ARRDC5: variants seen among roughly 807,000 people sequenced by gnomAD.
The protein encoded by ARRDC5 is arrestin domain containing 5.
Under a neutral mutation model 13.3 loss-of-function variants are expected in ARRDC5, and 12 were observed. That is an observed-to-expected ratio of 0.90 (90% CI 0.58 to 1.46). The LOEUF is 1.46. Among genes scored for constraint, ARRDC5 ranks in the 40% most tolerant of loss-of-function variants. The pLI is 0.00. For missense variants in ARRDC5, 406 were observed against 418.7 expected (o/e 0.97, Z 0.26); for synonymous variants, 181 against 173.4 (o/e 1.04, Z -0.34).
the ARRDC5 span, chr19:4,910,954 C>A: frequency 1.2e-6 from 2 of 1,613,632 alleles, no homozygotes; most frequent in Non-Finnish European, 1.7e-6. Flanking sequence ...CCAGGCTGAC[C>A]AAGGTGGAGG....
chr19:4,906,038 G>A (rs1237244049), upstream of ARRDC5, among the ~76,000 whole-genome samples: 2 of 152,166 alleles, frequency 1.3e-5, no homozygotes, highest in Non-Finnish European at 1.5e-5. Flanking sequence ...GTGCAGTGGC[G>A]CAAGCATGGC....
chr19:4,911,763 TG>T, the ARRDC5 span, among the ~76,000 whole-genome samples: 3 of 152,180 alleles, frequency 2.0e-5, no homozygotes, highest in Non-Finnish European at 4.4e-5. Flanking sequence ...TTGGTGTTTT[TG>T]TGGGGGACTG....
At chr19:4,909,054 GGGGCGATC>G in the ARRDC5 span, 1 of 160,622 alleles carries the variant, frequency 6.2e-6, no homozygotes, top group African/African-American at 2.4e-5. Context: ...AGTGGGGCTT[GGGGCGATC>G]GGGCGAGCCA....
chr19:4,903,675 G>A (rs528108613), upstream of ARRDC5: 10 of 151,866 alleles, frequency 6.6e-5, no homozygotes, highest in African/African-American at 2.4e-4. Flanking sequence ...GCTAATTTTT[G>A]TATTTTTAGT....
At chr19:4,898,088 A>G (rs553737841) in intron 1 of ARRDC5, among the ~76,000 whole-genome samples, 56 of 152,238 alleles carry the variant, frequency 3.7e-4, no homozygotes, top group African/African-American at 1.2e-3. Context: ...CGCCATCTCT[A>G]AAAATAAATA....
the ARRDC5 span, among the ~76,000 whole-genome samples, chr19:4,908,376 C>T: frequency 2.7e-4 from 41 of 152,208 alleles, no homozygotes; most frequent in African/African-American, 8.9e-4. Flanking sequence ...GGGAACTCAA[C>T]ATTTTTCTGC....
chr19:4,909,172 G>C, the ARRDC5 span: 7 of 376,068 alleles, frequency 1.9e-5, no homozygotes, highest in South Asian at 2.9e-4. Context: ...GCGTGCGAGT[G>C]GGGGGCTGCG....
upstream of ARRDC5, among the ~76,000 whole-genome samples, chr19:4,903,923 G>A (rs2032003386): frequency 6.6e-6 from 1 of 152,188 alleles, no homozygotes; most frequent in African/African-American, 2.4e-5. Context: ...AGGGCAGTGT[G>A]TGCTTAATCT....
intron 1 of ARRDC5, among the ~76,000 whole-genome samples, chr19:4,900,217 G>A (rs112953693): frequency 0.014 from 1,953 of 144,370 alleles, 38 homozygotes; most frequent in African/African-American, 0.047. Flanking sequence ...GCGTGATCTC[G>A]GCTCACCGCA....
At chr19:4,894,775 A>G (rs2031656289) in intron 2 of ARRDC5, among the ~76,000 whole-genome samples, 1 of 151,466 alleles carries the variant, frequency 6.6e-6, no homozygotes, top group Non-Finnish European at 1.5e-5. Context: ...GAAGAAGAAA[A>G]TCATACTGCA....
Position 4,891,379 on chromosome 19 carries a change from G to A in ARRDC5, c.654C>T (p.Tyr218=), listed in dbSNP as rs549100453. The change falls in exon 3 of 3, where the codon TAC becomes TAT. Residue 218 remains tyrosine (Y), a synonymous_variant. Coordinates refer to ENST00000650722, the MANE Select transcript of ARRDC5 (RefSeq NM_001080523.3). ...GCTCTGCACTGGGCGTGAAGCCCTC[G>A]TACTGTATGTGGGCATACAGGGCGA... The part of the protein sequence containing the change: ...VVFALYAHIQ[Y]EGFTPSAERR... The A allele has an allele frequency of 8.1e-5, 130 of 1,613,486 alleles. No homozygotes were observed. The highest frequency in any genetic ancestry group is 1.7e-4 in the African/African-American group (13 of 75,056).
Position 4,902,580 on chromosome 19 carries a change from T to C in ARRDC5, c.246A>G (p.Pro82=). The C allele has an allele frequency of 1.2e-6, 2 of 1,613,692 alleles. No individual in the cohort carries two copies. Among genetic ancestry groups the C allele is most frequent in the Non-Finnish European group, 1.7e-6 (2 of 1,179,628 alleles). The part of the protein sequence containing the change: ...ADYVHKTKTF[P]VEDNWLSAGS... ...TGTTGGCCTCGTCCTTACCCTCCAC[T>C]GGGAATGTCTTTGTCTTATGCACGT... is the stretch of plus-strand genomic sequence containing the variant. Residue 82 remains proline (P), a synonymous_variant, in exon 1 of 3, where the codon CCA becomes CCG. Coordinates refer to ENST00000650722, the MANE Select transcript of ARRDC5 (RefSeq NM_001080523.3).
the ARRDC5 span, among the ~76,000 whole-genome samples, chr19:4,908,291 G>A: frequency 4.6e-5 from 7 of 152,254 alleles, no homozygotes; most frequent in African/African-American, 1.7e-4. Flanking sequence ...TCCTATATTA[G>A]GGACATAGCA....
chr19:4,893,000 G>A (rs1297883638), intron 2 of ARRDC5, among the ~76,000 whole-genome samples: 3 of 150,542 alleles, frequency 2.0e-5, no homozygotes, highest in African/African-American at 4.9e-5. Flanking sequence ...CTACTCAGGA[G>A]GCTGAGGCGG....
At chr19:4,895,138 C>G (rs113641540) in intron 2 of ARRDC5, among the ~76,000 whole-genome samples, 5 of 151,478 alleles carry the variant, frequency 3.3e-5, no homozygotes, top group African/African-American at 4.8e-5. Flanking sequence ...AATAGCGGTA[C>G]CGGCTAGGAG....
chr19:4,891,670 G>T, intron 2 of ARRDC5, 97 bp from the exon 3 acceptor site: 1 of 1,110,130 alleles, frequency 9.0e-7, no homozygotes, highest in Non-Finnish European at 1.3e-6. Context: ...AAAGTCTGTG[G>T]GGCTGGCTGG....
Position 4,896,868 on chromosome 19 carries a change from A to G in ARRDC5, c.262T>C (p.Leu88=). The G allele has an allele frequency of 6.2e-7, 1 of 1,613,258 alleles. No individual in the cohort carries two copies. Among genetic ancestry groups the G allele is most frequent in the East Asian group, 2.2e-5 (1 of 44,868 alleles). ...TKTFPVEDNW[L]SAGSHTFDFH... is the part of the protein sequence containing the mutation. The stretch of plus-strand genomic sequence containing the variant: ...TCAAAGGTGTGGCTGCCTGCACTTA[A>G]CCAATTATCTGAAAGCAAAACACAC... Residue 88 remains leucine (L), a synonymous_variant, in exon 2 of 3, where the codon TTA becomes CTA. Coordinates refer to ENST00000650722, the MANE Select transcript of ARRDC5 (RefSeq NM_001080523.3).
At chr19:4,894,681 C>CA (rs375739622) in intron 2 of ARRDC5, among the ~76,000 whole-genome samples, 1,447 of 60,004 alleles carry the variant, frequency 0.024, 25 homozygotes, top group African/African-American at 0.065. Flanking sequence ...GAGACTGTCT[C>CA]AAAAAAAAAA....
At chr19:4,910,512 G>GAATGAATGAATC in the ARRDC5 span, 1 of 181,906 alleles carries the variant, frequency 5.5e-6, no homozygotes, top group Non-Finnish European at 1.1e-5. Flanking sequence ...GGAATCCGAG[G>GAATGAATGAATC]AATGAATGAA....
Sources: gnomAD v4.1 joint callset for allele counts (sites outside exome capture counted in the v4.1 genomes callset) on GRCh38, gnomAD v4.1.1 for gene constraint, MANE v1.5 for transcripts, NCBI Gene and HGNC (gene_info 2026-07-23, HGNC 2026-07-21) for gene names.